The following WASHC3 variants were observed in gnomAD, a reference collection of about 807,000 sequenced individuals.
WASHC3 encodes WASH complex subunit 3.
In WASHC3, 24 loss-of-function variants were observed where a neutral mutation model predicts 26.1. The ratio of observed to expected loss-of-function variants is 0.92; its 90% CI spans 0.66 to 1.29. The LOEUF (loss-of-function observed/expected upper bound fraction) is 1.29. WASHC3 is among the 50% of genes most tolerant of loss of function. The pLI, the probability that WASHC3 is intolerant of heterozygous loss-of-function variation, is 0.00. For synonymous variants in WASHC3, 77 were observed against 75.7 expected (o/e 1.02, Z -0.09); for missense variants, 214 against 229.6 (o/e 0.93, Z 0.44).
chr12:102,019,363 T>C (rs761104195), intron 6 of WASHC3: 1 of 391,658 alleles, frequency 2.6e-6, no homozygotes, highest in South Asian at 1.9e-5. Context: ...TAAATGTTCT[T>C]ACTTCACCCT....
chr12:102,061,466 G>A, intron 1 of WASHC3, 120 bp from the exon 2 acceptor site: 1 of 696,694 alleles, frequency 1.4e-6, no homozygotes, highest in Non-Finnish European at 2.6e-6. Flanking sequence ...TTGAAGGACT[G>A]GGAATAGTCA....
At chr12:102,042,364 T>C (rs1877972583) in intron 4 of WASHC3, among the ~76,000 whole-genome samples, 1 of 152,168 alleles carries the variant, frequency 6.6e-6, no homozygotes, top group South Asian at 2.1e-4. Context: ...ATTCTAAATA[T>C]ATGGCTCTTT....
chr12:102,050,453 AACACACACACAC>A (rs58251617), intron 2 of WASHC3: 37 of 333,888 alleles, frequency 1.1e-4, no homozygotes, highest in South Asian at 2.8e-4. Flanking sequence ...TGCCATCTCT[AACACACACACAC>A]ACACACACAC....
At chr12:102,024,688 C>T (rs528944343) in intron 6 of WASHC3, among the ~76,000 whole-genome samples, 4 of 152,286 alleles carry the variant, frequency 2.6e-5, no homozygotes, top group African/African-American at 9.6e-5. Context: ...AAAAGATAAT[C>T]ATTTTAAAGG....
At chr12:102,044,545 T>G (rs1165811650) in intron 3 of WASHC3, among the ~76,000 whole-genome samples, 1 of 152,190 alleles carries the variant, frequency 6.6e-6, no homozygotes, top group Non-Finnish European at 1.5e-5. Context: ...ACTCCCTGTG[T>G]CTCAATTATC....
intron 6 of WASHC3, chr12:102,019,450 T>C: frequency 3.4e-6 from 1 of 291,104 alleles, no homozygotes; most frequent in Non-Finnish European, 6.8e-6. Flanking sequence ...AAGTTTAGCT[T>C]CTCCCAATTC....
rs762194655 is a variant in WASHC3 at position 102,061,305 on chromosome 12, G to A, written c.93C>T (p.Asn31=). Residue 31 remains asparagine (N), a synonymous_variant, in exon 2 of 7, where the codon AAC becomes AAT. Coordinates refer to ENST00000240079, the MANE Select transcript of WASHC3 (RefSeq NM_016053.4). ...ACTGTACAGTGTGCACCACAAATTG[G>A]TTTAGAAAAGCCACCGTTCTTTTCT... ...IQQKRTVAFL[N]QFVVHTVQFL... is the part of the protein sequence containing the mutation. 2.5e-6 allele frequency: 4 copies of A among 1,613,904 alleles called. No homozygotes were observed. In the East Asian group the frequency reaches 8.9e-5, roughly 36 times the overall value.
In WASHC3 at chr12:102,026,122, G is replaced by A. The variant is rs566752982; in HGVS notation, c.436-84C>T. ...CATACCATCTAAAACAAGACCTTCA[G>A]ATGCCTCATTATTTAAAAGTTCTTA... On this transcript the variant is annotated intron_variant, in intron 5 of 6. Transcript: ENST00000240079. 1.4e-5 allele frequency: 10 copies of A among 701,852 alleles called. No individual in the cohort carries two copies. In the East Asian group the frequency reaches 2.8e-4, roughly 20 times the overall value. 43.5% of individuals were successfully genotyped at this position (701,852 alleles called of 1,614,324 possible).
intron 6 of WASHC3, among the ~76,000 whole-genome samples, chr12:102,015,768 G>T (rs10860831): frequency 0.28 from 42,691 of 152,082 alleles, 6,468 homozygotes; most frequent in East Asian, 0.42. Context: ...CAGAATGTGA[G>T]ACAGCCATGT....
At chr12:102,048,649 TAA>T (rs72118503) in intron 2 of WASHC3, among the ~76,000 whole-genome samples, 1 of 149,486 alleles carries the variant, frequency 6.7e-6, no homozygotes, top group African/African-American at 2.5e-5. Flanking sequence ...GTTTTTTTTT[TAA>T]ATCACATCAC....
intron 3 of WASHC3, among the ~76,000 whole-genome samples, chr12:102,045,591 G>C (rs1347737281): frequency 6.6e-6 from 1 of 152,078 alleles, no homozygotes; most frequent in Non-Finnish European, 1.5e-5. Context: ...ATTTTTCTTA[G>C]TTATTATTTG....
chr12:102,045,403 TTTTA>T (rs1441508340), intron 3 of WASHC3, among the ~76,000 whole-genome samples: 1 of 152,228 alleles, frequency 6.6e-6, no homozygotes, highest in African/African-American at 2.4e-5. Context: ...TATTTCTTAG[TTTTA>T]TTTTGGTAAA....
At chr12:102,022,738 C>A (rs920824760) in intron 6 of WASHC3, among the ~76,000 whole-genome samples, 4 of 152,204 alleles carry the variant, frequency 2.6e-5, no homozygotes, top group African/African-American at 9.6e-5. Context: ...AATGTTAGTT[C>A]AGGGACATAA....
intron 5 of WASHC3, among the ~76,000 whole-genome samples, chr12:102,026,445 A>C (rs1292002646): frequency 3.3e-5 from 5 of 152,210 alleles, no homozygotes; most frequent in Non-Finnish European, 7.3e-5. Flanking sequence ...TTCCATTCTT[A>C]AGTATAGCTA....
intron 5 of WASHC3, among the ~76,000 whole-genome samples, chr12:102,034,629 T>C (rs1372531549): frequency 1.3e-5 from 2 of 152,152 alleles, no homozygotes; most frequent in African/African-American, 4.8e-5. Context: ...AGCTTTACGC[T>C]GAAATCAAAA....
At chr12:102,020,718 CAT>C (rs1876917625) in intron 6 of WASHC3, among the ~76,000 whole-genome samples, 1 of 152,134 alleles carries the variant, frequency 6.6e-6, no homozygotes, top group South Asian at 2.1e-4. Flanking sequence ...ACTACACACA[CAT>C]AAAGTTATAA....
In WASHC3 at chr12:102,044,538, C is replaced by T. The variant is rs188431143; in HGVS notation, c.217-326G>A. Among the ~76,000 whole-genome samples the T allele has an allele frequency of 3.3e-3, 501 of 152,254 alleles. 4 individuals are homozygous for T. Among genetic ancestry groups the T allele is most frequent in the Middle Eastern group, 0.014 (4 of 294 alleles). ...AAGCTGTGTGATCTTGTGTAAAACT[C>T]CCTGTGTCTCAATTATCTCACCTGT... On this transcript the variant is annotated intron_variant, in intron 3 of 6. Transcript: ENST00000240079.
chr12:102,030,803 CTATT>C (rs775291789), intron 5 of WASHC3, among the ~76,000 whole-genome samples: 4 of 152,144 alleles, frequency 2.6e-5, no homozygotes, highest in Non-Finnish European at 5.9e-5. Context: ...AACCATATAA[CTATT>C]TAGTATCTGC....
At chr12:102,050,286 C>T (rs7958593) in intron 2 of WASHC3, 69,694 of 453,542 alleles carry the variant, frequency 0.15, 5,695 homozygotes, top group Non-Finnish European at 0.18. Flanking sequence ...CAAAGTGAGA[C>T]CCTGTCTGAC....
Sources: allele counts gnomAD v4.1 joint callset (sites outside exome capture counted in the v4.1 genomes callset), GRCh38; gene constraint gnomAD v4.1.1; transcripts MANE v1.5; gene names NCBI Gene and HGNC (gene_info 2026-07-23, HGNC 2026-07-21).